GALNT17: variants seen among roughly 807,000 people sequenced by gnomAD.
The protein encoded by GALNT17 is polypeptide N-acetylgalactosaminyltransferase 17.
A neutral mutation model predicts 63.7 loss-of-function variants in GALNT17; 29 were observed. The observed-to-expected ratio is 0.46, with a 90% CI of 0.34 to 0.62. GALNT17 has a LOEUF of 0.62. Among genes scored for constraint, GALNT17 ranks in the 20% least tolerant of loss-of-function variants. The pLI is 0.01. For synonymous variants in GALNT17, 305 were observed against 318.3 expected, an observed-to-expected ratio of 0.96 and a Z score of 0.45; for missense variants, 603 against 799.6, an observed-to-expected ratio of 0.75 and a Z score of 2.97.
chr7:71,196,386 C>T (rs563046863), intron 1 of GALNT17, among the ~76,000 whole-genome samples: 7 of 151,878 alleles, frequency 4.6e-5, no homozygotes, highest in Admixed American at 2.0e-4. Flanking sequence ...GTGATCCACC[C>T]GCCTCAGCCT....
chr7:71,605,185 A>T (rs535107332), intron 6 of GALNT17, among the ~76,000 whole-genome samples: 1 of 152,320 alleles, frequency 6.6e-6, no homozygotes, highest in Admixed American at 6.5e-5. Context: ...GCAGTTAAGG[A>T]AAATTACACC....
chr7:71,525,068 G>T (rs1034094242), intron 5 of GALNT17, among the ~76,000 whole-genome samples: 7 of 152,118 alleles, frequency 4.6e-5, no homozygotes, highest in African/African-American at 1.7e-4. Flanking sequence ...TTAAGTTGGT[G>T]CAAAAGTGAC....
At chr7:71,222,039 C>T (rs1789595505) in intron 1 of GALNT17, among the ~76,000 whole-genome samples, 1 of 150,830 alleles carries the variant, frequency 6.6e-6, no homozygotes, top group Non-Finnish European at 1.5e-5. Flanking sequence ...TCTGGATGAG[C>T]TGGGATTACG....
At chr7:71,497,889 C>T (rs916880774) in intron 5 of GALNT17, among the ~76,000 whole-genome samples, 2 of 152,156 alleles carry the variant, frequency 1.3e-5, no homozygotes, top group African/African-American at 4.8e-5. Context: ...CTTAGAGAAA[C>T]AAGAACATCC....
intron 1 of GALNT17, among the ~76,000 whole-genome samples, chr7:71,249,076 A>C (rs1790151168): frequency 6.6e-6 from 1 of 152,226 alleles, no homozygotes; most frequent in Non-Finnish European, 1.5e-5. Context: ...AAGCAATAAG[A>C]AGAAAATAAC....
At chr7:71,219,714 G>A (rs888142707) in intron 1 of GALNT17, among the ~76,000 whole-genome samples, 1 of 152,130 alleles carries the variant, frequency 6.6e-6, no homozygotes, top group Non-Finnish European at 1.5e-5. Flanking sequence ...TCTGCAAGGG[G>A]TCTGTCTACT....
chr7:71,395,191 T>C (rs1793116518), intron 3 of GALNT17, among the ~76,000 whole-genome samples: 1 of 152,182 alleles, frequency 6.6e-6, no homozygotes, highest in African/African-American at 2.4e-5. Context: ...TCCAGAACAT[T>C]GTCATCACCT....
chr7:71,456,400 AT>A (rs559180243), intron 5 of GALNT17, among the ~76,000 whole-genome samples: 376 of 151,960 alleles, frequency 2.5e-3, no homozygotes, highest in Admixed American at 3.3e-3. Flanking sequence ...TTAAATTCAT[AT>A]TTTAAAATGA....
chr7:71,495,921 G>T (rs1788086584), intron 5 of GALNT17, among the ~76,000 whole-genome samples: 2 of 152,290 alleles, frequency 1.3e-5, no homozygotes, highest in African/African-American at 4.8e-5. Context: ...TGTAAATGAT[G>T]TCCTTGAGAA....
intron 7 of GALNT17, among the ~76,000 whole-genome samples, chr7:71,667,153 C>G (rs1264096583): frequency 6.6e-6 from 1 of 152,286 alleles, no homozygotes; most frequent in African/African-American, 2.4e-5. Context: ...GGAGTGGTGC[C>G]CATTGAGAGA....
chr7:71,313,053 G>A (rs1791438268), intron 1 of GALNT17, among the ~76,000 whole-genome samples: 1 of 152,128 alleles, frequency 6.6e-6, no homozygotes, highest in African/African-American at 2.4e-5. Context: ...AGGCTGTAGT[G>A]AGCTATGATT....
chr7:71,341,695 G>C (rs1320084140), intron 2 of GALNT17, among the ~76,000 whole-genome samples: 1 of 152,078 alleles, frequency 6.6e-6, no homozygotes, highest in Non-Finnish European at 1.5e-5. Context: ...AGAATACTTT[G>C]GGCCAGGAGC....
At chr7:71,245,375 G>T (rs755325574) in intron 1 of GALNT17, among the ~76,000 whole-genome samples, 111 of 152,290 alleles carry the variant, frequency 7.3e-4, no homozygotes, top group Non-Finnish European at 1.0e-3. Flanking sequence ...TTTACTTTGT[G>T]CTGCCTGTCA....
At chr7:71,361,596 T>C (rs1482737226) in intron 2 of GALNT17, among the ~76,000 whole-genome samples, 1 of 152,160 alleles carries the variant, frequency 6.6e-6, no homozygotes, top group Non-Finnish European at 1.5e-5. Flanking sequence ...GAGGAGTTTT[T>C]TCATCTAGTA....
chr7:71,420,792 C>G, intron 4 of GALNT17, 116 bp from the exon 5 acceptor site: 1 of 1,267,984 alleles, frequency 7.9e-7, no homozygotes, highest in Non-Finnish European at 1.1e-6. Flanking sequence ...CATCTGAGTT[C>G]CAGCCTTCCC....
intron 4 of GALNT17, among the ~76,000 whole-genome samples, chr7:71,419,590 C>T (rs1035137029): frequency 1.3e-5 from 2 of 152,148 alleles, no homozygotes; most frequent in African/African-American, 4.8e-5. Flanking sequence ...GAAGAACTCC[C>T]ACGGGAGAGG....
chr7:71,571,519 C>A, intron 6 of GALNT17, 117 bp downstream of exon 6: 1 of 834,128 alleles, frequency 1.2e-6, no homozygotes, highest in Non-Finnish European at 2.0e-6. Flanking sequence ...GATTCATTTA[C>A]TCCACCTTGT....
chr7:71,535,870 G>C (rs144816009), intron 5 of GALNT17, among the ~76,000 whole-genome samples: 1 of 152,172 alleles, frequency 6.6e-6, no homozygotes, highest in Admixed American at 6.5e-5. Context: ...CTGCACCTGA[G>C]GCTGAGTTCC....
chr7:71,160,414 T>C (rs1788320172), intron 1 of GALNT17, among the ~76,000 whole-genome samples: 1 of 152,234 alleles, frequency 6.6e-6, no homozygotes, highest in Admixed American at 6.5e-5. Context: ...TATAGGCAGA[T>C]ACATAGTAGG....
Sources: allele counts gnomAD v4.1 joint callset (sites outside exome capture counted in the v4.1 genomes callset), GRCh38; gene constraint gnomAD v4.1.1; transcripts MANE v1.5; gene names NCBI Gene and HGNC (gene_info 2026-07-23, HGNC 2026-07-21).